Variants in ATP2B2 observed in about 807,000 individuals in gnomAD.
The protein encoded by ATP2B2 is plasma membrane calcium-transporting ATPase 2.
In ATP2B2, 15 loss-of-function variants were observed where a neutral mutation model predicts 120.0. The ratio of observed to expected loss-of-function variants is 0.12; its 90% confidence interval spans 0.08 to 0.19. The LOEUF is 0.19. Ranked by LOEUF, ATP2B2 falls within the 10% of genes least tolerant of loss-of-function variation. The probability of loss-of-function intolerance (pLI) is 1.00; values close to 1 mark genes in which losing one functional copy is unlikely to be tolerated. For missense variants in ATP2B2, 1,045 were observed against 1,719.8 expected (o/e 0.61, Z 6.94); for synonymous variants, 694 against 700.3 (o/e 0.99, Z 0.14).
At chr3:10,677,110 C>T (rs1158003319) in intron 1 of ATP2B2, among the ~76,000 whole-genome samples, 1 of 152,228 alleles carries the variant, frequency 6.6e-6, no homozygotes, top group East Asian at 1.9e-4. Flanking sequence ...GTTCTGCACA[C>T]AGATGTTTAT....
chr3:10,547,891 A>G (rs1384602910), intron 2 of ATP2B2, among the ~76,000 whole-genome samples: 5 of 152,264 alleles, frequency 3.3e-5, no homozygotes, highest in Admixed American at 6.5e-5. Context: ...CTCACTGGGC[A>G]TCCCAGCTGG....
chr3:10,591,594 G>A (rs1279616229), intron 2 of ATP2B2, among the ~76,000 whole-genome samples: 2 of 152,062 alleles, frequency 1.3e-5, no homozygotes, highest in Admixed American at 1.3e-4. Context: ...TTAAAAACAC[G>A]CCTTTCCTTG....
chr3:10,658,805 A>T (rs1261006881), intron 1 of ATP2B2, among the ~76,000 whole-genome samples: 2 of 152,016 alleles, frequency 1.3e-5, no homozygotes, highest in Non-Finnish European at 2.9e-5. Flanking sequence ...GATTCACCGA[A>T]GTTGAAATGA....
At chr3:10,661,534 A>G (rs954457379) in intron 1 of ATP2B2, among the ~76,000 whole-genome samples, 1 of 152,206 alleles carries the variant, frequency 6.6e-6, no homozygotes, top group African/African-American at 2.4e-5. Context: ...TAGGAATCCA[A>G]CTTACAAGGG....
intron 1 of ATP2B2, among the ~76,000 whole-genome samples, chr3:10,479,870 T>G (rs2065342165): frequency 6.6e-6 from 1 of 152,148 alleles, no homozygotes; most frequent in African/African-American, 2.4e-5. Context: ...CCAAGGTGAT[T>G]GCTTGAGCCC....
chr3:10,619,454 G>T, intron 2 of ATP2B2, among the ~76,000 whole-genome samples: 1 of 152,324 alleles, frequency 6.6e-6, no homozygotes. Flanking sequence ...ATCTGATGGC[G>T]TTAAAAGATA....
intron 1 of ATP2B2, among the ~76,000 whole-genome samples, chr3:10,452,591 T>C (rs927379831): frequency 6.6e-6 from 1 of 151,952 alleles, no homozygotes; most frequent in Non-Finnish European, 1.5e-5. Flanking sequence ...GTGAGGCAAA[T>C]GGGCTACAAT....
chr3:10,458,458 C>A (rs949914514), intron 1 of ATP2B2, among the ~76,000 whole-genome samples: 7 of 138,430 alleles, frequency 5.1e-5, no homozygotes, highest in Admixed American at 2.9e-4. Flanking sequence ...CAGATCCACT[C>A]AGTTTTGATC....
intron 2 of ATP2B2, among the ~76,000 whole-genome samples, chr3:10,576,211 A>G (rs2068242897): frequency 6.6e-6 from 1 of 152,132 alleles, no homozygotes. Flanking sequence ...CTGGCACCAG[A>G]AAAAGGGCAG....
At chr3:10,628,854 G>A (rs1297519772) in intron 1 of ATP2B2, among the ~76,000 whole-genome samples, 2 of 152,228 alleles carry the variant, frequency 1.3e-5, no homozygotes, top group Admixed American at 1.3e-4. Context: ...GAAATACAGG[G>A]TCAGGTTCCT....
At chr3:10,673,755 C>T (rs997940490) in intron 1 of ATP2B2, among the ~76,000 whole-genome samples, 1 of 128,294 alleles carries the variant, frequency 7.8e-6, no homozygotes, top group Non-Finnish European at 1.6e-5. Context: ...TGCAGTTAGC[C>T]GTGATGGCAC....
At chr3:10,519,754 G>T (rs186333116) in intron 3 of ATP2B2, among the ~76,000 whole-genome samples, 2 of 152,382 alleles carry the variant, frequency 1.3e-5, no homozygotes, top group Admixed American at 1.3e-4. Flanking sequence ...TTTACTGTAT[G>T]TGTGGCACTG....
At chr3:10,564,438 C>T (rs1472156036) in intron 2 of ATP2B2, among the ~76,000 whole-genome samples, 1 of 152,218 alleles carries the variant, frequency 6.6e-6, no homozygotes, top group Non-Finnish European at 1.5e-5. Context: ...CTCCCATCCT[C>T]CTCCCCAACA....
intron 2 of ATP2B2, among the ~76,000 whole-genome samples, chr3:10,572,865 C>T (rs78526265): frequency 0.11 from 16,370 of 152,208 alleles, 1,022 homozygotes; most frequent in African/African-American, 0.17. Context: ...TTCTCAGTAA[C>T]TTAGGGGCAG....
At chr3:10,386,556 C>G (rs878899462) in intron 6 of ATP2B2, 44 bp from the exon 7 acceptor site, 9 of 1,609,632 alleles carry the variant, frequency 5.6e-6, no homozygotes, top group Non-Finnish European at 7.7e-6. Flanking sequence ...GAGAAGCACA[C>G]AGCCTCATCT....
chr3:10,390,890 C>A (rs1390288418), intron 5 of ATP2B2, among the ~76,000 whole-genome samples: 1 of 152,176 alleles, frequency 6.6e-6, no homozygotes, highest in Non-Finnish European at 1.5e-5. Flanking sequence ...CTGCTGAGGG[C>A]CAGTAACAGG....
At chr3:10,664,597 G>A (rs1035915876) in intron 1 of ATP2B2, among the ~76,000 whole-genome samples, 2 of 152,148 alleles carry the variant, frequency 1.3e-5, no homozygotes, top group African/African-American at 4.8e-5. Flanking sequence ...AAGGTTTGTT[G>A]GGACTTAGGA....
chr3:10,521,754 G>A (rs1216053497), intron 3 of ATP2B2, among the ~76,000 whole-genome samples: 1 of 152,244 alleles, frequency 6.6e-6, no homozygotes, highest in Non-Finnish European at 1.5e-5. Context: ...AGAGCCAGAG[G>A]TGGCCATGGG....
intron 3 of ATP2B2, among the ~76,000 whole-genome samples, chr3:10,513,790 G>A (rs2125442480): frequency 6.6e-6 from 1 of 152,280 alleles, no homozygotes. Flanking sequence ...ATGGGCAATT[G>A]AATGAAAGCT....
Sources: allele counts gnomAD v4.1 joint callset (sites outside exome capture counted in the v4.1 genomes callset), GRCh38; gene constraint gnomAD v4.1.1; transcripts MANE v1.5; gene names NCBI Gene and HGNC (gene_info 2026-07-23, HGNC 2026-07-21).